Variants in ODAD1 observed in about 807,000 individuals in gnomAD.
ODAD1 encodes the protein outer dynein arm-docking complex subunit 1.
ODAD1 carries 49 observed loss-of-function variants against 67.2 expected under a neutral mutation model. That is an observed-to-expected ratio of 0.73 (90% CI 0.58 to 0.92). The LOEUF (loss-of-function observed/expected upper bound fraction) is 0.92, where lower values mean the gene tolerates loss of function less well. Ranked by LOEUF, ODAD1 falls within the 40% of genes least tolerant of loss-of-function variation. ODAD1 has a pLI of 0.00. For synonymous variants in ODAD1, 345 were observed against 393.7 expected, an observed-to-expected ratio of 0.88 and a Z score of 1.46; for missense variants, 897 against 953.7, an observed-to-expected ratio of 0.94 and a Z score of 0.78.
At position 48,306,279 on chromosome 19, in the gene ODAD1, GGA is replaced by G. The variant is rs1569006301; in HGVS notation, c.640_641del (p.Ser214LeufsTer68). On this transcript the variant is annotated frameshift_variant, in exon 8 of 16. Coordinates refer to ENST00000674294, the MANE Select transcript of ODAD1 (RefSeq NM_001364171.2). LOFTEE classifies it high-confidence loss of function. ...ACCTGACGGCGTAGGCAGAGGTGGA[GGA>G]GAGGATAAGGGTGCTGACCAGGTGA... ...LHHLVSTLIL[S>X]STSAYAVREE... 5 of 1,551,706 alleles carry G rather than the reference GGA, an allele frequency of 3.2e-6. No individual in the cohort carries two copies. The highest frequency in any genetic ancestry group is 4.4e-6 in the Non-Finnish European group (5 of 1,146,968).
chr19:48,312,077 T>C lies in ODAD1; in HGVS notation c.400A>G (p.Asn134Asp). 1 of 1,550,784 alleles carries C rather than the reference T, an allele frequency of 6.4e-7. No individual in the cohort carries two copies. Among genetic ancestry groups the C allele is most frequent in the African/African-American group, 1.4e-5 (1 of 73,122 alleles). The change falls in exon 6 of 16, where the codon AAT becomes GAT. Residue 134 changes from asparagine (N) to aspartate (D), a missense_variant. Physicochemically the swap from Asn to Asp is conservative, Grantham distance 23. Coordinates refer to ENST00000674294, the MANE Select transcript of ODAD1 (RefSeq NM_001364171.2). ...AGGATGAATCCCGGGGACCTGACAT[T>C]CTTACTGTGGGTAAAGATCCGCGTC... ...WETRIFTHSK[N>D]VRSPGFILDQ... is the part of the protein sequence containing the mutation.
chr19:48,318,663 G>T, intron 4 of ODAD1, 50 bp downstream of exon 4: 1 of 1,533,132 alleles, frequency 6.5e-7, no homozygotes. Flanking sequence ...CCAGTCTTCA[G>T]CCCCTCTGAC....
At chr19:48,304,789 C>A (rs1013662739) in intron 8 of ODAD1, among the ~76,000 whole-genome samples, 1 of 152,106 alleles carries the variant, frequency 6.6e-6, no homozygotes, top group Non-Finnish European at 1.5e-5. Flanking sequence ...CTCTATTTGC[C>A]TTCAGTAAAT....
At chr19:48,302,544 T>A (rs2147314801) in intron 12 of ODAD1, 150 bp downstream of exon 12, 1 of 629,804 alleles carries the variant, frequency 1.6e-6, no homozygotes, top group East Asian at 2.7e-5. Flanking sequence ...GTTGGAGGGA[T>A]AGACCCTGGT....
chr19:48,296,770 C>T lies in ODAD1; in HGVS notation c.*206G>A. 1 of 1,402,630 alleles carries T rather than the reference C, an allele frequency of 7.1e-7. No homozygotes were observed. The highest frequency in any genetic ancestry group is 2.6e-5 in the East Asian group (1 of 37,758). The allele number at this position is 1,402,630 out of a possible 1,614,324, so 86.9% of individuals were successfully genotyped here. A position where few individuals can be genotyped will look rare whatever the true frequency, so the allele number is the denominator to read the frequency against. ...GGAGATCAGGAGTCAGAGGGAAAAG[C>T]AGTGTCAGGAGCAGAGAGAAAGGAA... On this transcript the variant is annotated 3_prime_UTR_variant, in exon 16 of 16. Transcript: ENST00000674294.
At chr19:48,318,844 G>A in intron 3 of ODAD1, 32 bp from the exon 4 acceptor site, 1 of 1,410,932 alleles carries the variant, frequency 7.1e-7, no homozygotes, top group South Asian at 1.2e-5. Context: ...GGACTCAGCA[G>A]GGATCCTGGC....
At position 48,296,858 on chromosome 19, in the gene ODAD1, CAG is replaced by C; in HGVS notation, c.*116_*117del. 7.0e-6 allele frequency: 10 copies of C among 1,435,532 alleles called. No individual in the cohort carries two copies. Among genetic ancestry groups the C allele is most frequent in the Non-Finnish European group, 9.1e-6 (10 of 1,101,394 alleles). The allele number at this position is 1,435,532 out of a possible 1,614,324, so 88.9% of individuals were successfully genotyped here. A position where few individuals can be genotyped will look rare whatever the true frequency, so the allele number is the denominator to read the frequency against. ...GAAAACAGTTGAAGGGGCAAAAAGA[CAG>C]AGGCCTGCCACTGGGAGAAAAAGAC... is the stretch of plus-strand genomic sequence containing the variant. On this transcript the variant is annotated 3_prime_UTR_variant, in exon 16 of 16. Transcript: ENST00000674294.
Position 48,312,029 on chromosome 19 carries a change from G to C in ODAD1, c.448C>G (p.Arg150Gly). The change falls in exon 6 of 16, where the codon CGA becomes GGA. Residue 150 changes from arginine to glycine, a missense_variant. Coordinates refer to ENST00000674294, the MANE Select transcript of ODAD1 (RefSeq NM_001364171.2). ...TGGTTTTCTAGGATCCTGATCCTTC[G>C]CCTGATCTTGACCTTCTGATCCAGG... ...FILDQKVKIR[R>G]RIRILENQLD... The C allele has an allele frequency of 6.4e-7, 1 of 1,550,870 alleles. No individual in the cohort carries two copies.
chr19:48,308,013 G>T (rs532563953), intron 7 of ODAD1, among the ~76,000 whole-genome samples: 29 of 152,078 alleles, frequency 1.9e-4, no homozygotes, highest in Non-Finnish European at 3.2e-4. Context: ...ATGTCCAAAG[G>T]CCACAGAAGC....
intron 3 of ODAD1, 88 bp from the exon 4 acceptor site, chr19:48,318,900 G>T: frequency 1.2e-6 from 1 of 804,280 alleles, no homozygotes; most frequent in Non-Finnish European, 2.1e-6. Flanking sequence ...GCTCCCTTTG[G>T]GGTCTCACAA....
chr19:48,304,596 G>A (rs957081784), intron 8 of ODAD1, among the ~76,000 whole-genome samples: 5 of 145,102 alleles, frequency 3.4e-5, no homozygotes, highest in Admixed American at 2.1e-4. Context: ...TCCAGCCTGG[G>A]TGGCAAGAGC....
chr19:48,299,850 G>A (rs755279560), intron 12 of ODAD1, among the ~76,000 whole-genome samples: 1 of 150,054 alleles, frequency 6.7e-6, no homozygotes, highest in Non-Finnish European at 1.5e-5. Context: ...ACAGGTGGAT[G>A]CAACATACCC....
At chr19:48,318,132 C>T (rs558453295) in intron 5 of ODAD1, among the ~76,000 whole-genome samples, 3 of 152,250 alleles carry the variant, frequency 2.0e-5, no homozygotes, top group East Asian at 3.9e-4. Context: ...GCTGGGATTA[C>T]AGGCATGTGC....
chr19:48,304,789 C>G (rs1013662739), intron 8 of ODAD1, among the ~76,000 whole-genome samples: 4 of 152,106 alleles, frequency 2.6e-5, no homozygotes, highest in Non-Finnish European at 5.9e-5. Context: ...CTCTATTTGC[C>G]TTCAGTAAAT....
rs1569004195 is a variant in ODAD1, at chr19:48,303,110, C to T, written c.989-15G>A. The T allele has an allele frequency of 1.9e-6, 3 of 1,597,848 alleles. No homozygotes were observed. In the South Asian group the frequency reaches 3.3e-5, roughly 18 times the overall value. Reference sequence around the variant, plus strand: ...GCGCTCCTCGACTGGGAGAGTTGGGCAAGGCGGGGCCCAGAGAGAGGGAGA... The same window carrying T: ...GCGCTCCTCGACTGGGAGAGTTGGGTAAGGCGGGGCCCAGAGAGAGGGAGA... On this transcript the variant is annotated splice_polypyrimidine_tract_variant and intron_variant, in intron 10 of 15. Transcript: ENST00000674294.
At position 48,298,118 on chromosome 19, in the gene ODAD1, C is replaced by A. The variant is rs776541413; in HGVS notation, c.1405-21G>T. 2.5e-6 allele frequency: 4 copies of A among 1,611,802 alleles called. No homozygotes were observed. In the South Asian group the frequency reaches 3.3e-5, roughly 13 times the overall value. Reference sequence around the variant, plus strand: ...AAGCTCTGGAGAGTGTGGGAGCCTGCGGTCAGCTGGGCCACCCCCGAGACC... The same window carrying A: ...AAGCTCTGGAGAGTGTGGGAGCCTGAGGTCAGCTGGGCCACCCCCGAGACC... On this transcript the variant is annotated intron_variant, in intron 13 of 15. Transcript: ENST00000674294.
intron 14 of ODAD1, 86 bp downstream of exon 14, chr19:48,297,914 G>GC: frequency 1.8e-6 from 2 of 1,116,814 alleles, no homozygotes; most frequent in Non-Finnish European, 1.3e-6. Context: ...GTCCCCAAAA[G>GC]CCCCCCAAAA....
At position 48,297,248 on chromosome 19, in the gene ODAD1, G is replaced by A; in HGVS notation, c.1852C>T (p.Pro618Ser). 1 of 1,614,118 alleles carries A rather than the reference G, an allele frequency of 6.2e-7. No individual in the cohort carries two copies. The highest frequency in any genetic ancestry group is 1.3e-5 in the African/African-American group (1 of 75,038). Residue 618 changes from proline to serine, a missense_variant, in exon 16 of 16, where the codon CCC becomes TCC. Pro to Ser is a moderately conservative substitution (Grantham distance 74). Transcript: ENST00000674294. ...HLPSHITHGD[P>S]NTGHVTFGST... ...CCGAAGGTCACGTGGCCAGTGTTGG[G>A]GTCACCGTGCGTGATGTGGCTGGGC...
intron 5 of ODAD1, 45 bp from the exon 6 acceptor site, chr19:48,312,161 G>C: frequency 1.3e-6 from 2 of 1,512,596 alleles, no homozygotes; most frequent in Non-Finnish European, 1.8e-6. Flanking sequence ...CCTGAATGTG[G>C]GAGAGATTGA....
Sources: allele counts gnomAD v4.1 joint callset (sites outside exome capture counted in the v4.1 genomes callset), GRCh38; gene constraint gnomAD v4.1.1; transcripts MANE v1.5; gene names NCBI Gene and HGNC (gene_info 2026-07-23, HGNC 2026-07-21).